SPOCK1: variants seen among roughly 807,000 people sequenced by gnomAD.
SPOCK1 encodes testican-1.
In SPOCK1, 23 loss-of-function variants were observed where a neutral mutation model predicts 55.3. The observed-to-expected ratio is 0.42, with a 90% CI of 0.30 to 0.59. SPOCK1 has a LOEUF of 0.59. SPOCK1 is among the 20% of genes least tolerant of loss of function. The pLI, the probability that SPOCK1 is intolerant of heterozygous loss-of-function variation, is 0.22. For synonymous variants in SPOCK1, 226 were observed against 221.0 expected (o/e 1.02, Z -0.20); for missense variants, 499 against 552.5 (o/e 0.90, Z 0.97).
intron 2 of SPOCK1, among the ~76,000 whole-genome samples, chr5:137,450,995 T>C (rs958563745): frequency 1.3e-5 from 2 of 152,142 alleles, no homozygotes; most frequent in African/African-American, 4.8e-5. Context: ...AGAGCAATCA[T>C]GGCATTCTCC....
intron 6 of SPOCK1, among the ~76,000 whole-genome samples, chr5:137,019,971 A>G (rs1751535253): frequency 6.6e-6 from 1 of 152,022 alleles, no homozygotes; most frequent in Non-Finnish European, 1.5e-5. Flanking sequence ...AGGAACACAG[A>G]GATACTGATT....
intron 3 of SPOCK1, among the ~76,000 whole-genome samples, chr5:137,225,284 C>G (rs1755924034): frequency 6.6e-6 from 1 of 152,018 alleles, no homozygotes; most frequent in Admixed American, 6.5e-5. Context: ...CTGCTCTGAG[C>G]CTCACTTTTA....
At chr5:137,280,167 T>C (rs570269750) in intron 2 of SPOCK1, among the ~76,000 whole-genome samples, 35 of 152,284 alleles carry the variant, frequency 2.3e-4, no homozygotes, top group African/African-American at 7.2e-4. Context: ...GTCCCATCTT[T>C]TAAAATAAAA....
intron 3 of SPOCK1, among the ~76,000 whole-genome samples, chr5:137,161,377 T>C (rs1754554855): frequency 6.6e-6 from 1 of 151,962 alleles, no homozygotes; most frequent in Non-Finnish European, 1.5e-5. Context: ...ACACAAACTA[T>C]ACTCAGGGCA....
chr5:137,217,677 T>A (rs572364656), intron 3 of SPOCK1, among the ~76,000 whole-genome samples: 8 of 152,238 alleles, frequency 5.3e-5, no homozygotes, highest in African/African-American at 1.9e-4. Context: ...GTACTTCTTA[T>A]ATTAGTAAGA....
intron 5 of SPOCK1, among the ~76,000 whole-genome samples, chr5:137,078,029 T>C (rs1221461348): frequency 1.3e-5 from 2 of 151,846 alleles, no homozygotes; most frequent in Non-Finnish European, 2.9e-5. Context: ...AAGAAAGCTG[T>C]AGAGGAGGCA....
At chr5:137,439,909 G>A (rs1752956087) in intron 2 of SPOCK1, among the ~76,000 whole-genome samples, 1 of 152,182 alleles carries the variant, frequency 6.6e-6, no homozygotes, top group Non-Finnish European at 1.5e-5. Flanking sequence ...GAAGCTCAGT[G>A]TCAACTAGCC....
At position 136,976,487 on chromosome 5, in the gene SPOCK1, C is replaced by T. The variant is rs1750617248; in HGVS notation, c.*2167G>A. The T allele has an allele frequency of 6.6e-6, 1 of 152,558 alleles. No individual in the cohort carries two copies. The highest frequency in any genetic ancestry group is 1.5e-5 in the Non-Finnish European group (1 of 68,016). The allele number at this position is 152,558 out of a possible 1,614,324, so 9.5% of individuals were successfully genotyped here. On this transcript the variant is annotated 3_prime_UTR_variant, in exon 11 of 11. Coordinates refer to ENST00000394945, the MANE Select transcript of SPOCK1 (RefSeq NM_004598.4). ...TCCTAGAAGTTTTTCTAAGTGAAAT[C>T]AATTTTTCAATTTTAATTTGTTCTC...
At chr5:137,331,782 AC>A (rs1208942999) in intron 2 of SPOCK1, among the ~76,000 whole-genome samples, 1 of 152,096 alleles carries the variant, frequency 6.6e-6, no homozygotes, top group Non-Finnish European at 1.5e-5. Context: ...ATCACCTCCC[AC>A]CAGGCCCCAT....
intron 5 of SPOCK1, among the ~76,000 whole-genome samples, chr5:137,069,673 G>A (rs1752573233): frequency 6.6e-6 from 1 of 152,202 alleles, no homozygotes; most frequent in Non-Finnish European, 1.5e-5. Flanking sequence ...GTGTGTGCAC[G>A]TGCCCAGAGC....
chr5:136,982,180 A>G (rs1008201213), intron 9 of SPOCK1, among the ~76,000 whole-genome samples: 1 of 152,210 alleles, frequency 6.6e-6, no homozygotes, highest in African/African-American at 2.4e-5. Flanking sequence ...CCTGTCATTA[A>G]GCAAGGCATG....
intron 2 of SPOCK1, among the ~76,000 whole-genome samples, chr5:137,322,076 C>T (rs1340760620): frequency 6.6e-6 from 1 of 152,000 alleles, no homozygotes; most frequent in Non-Finnish European, 1.5e-5. Context: ...AACATAAAAG[C>T]ATATATAAGT....
At chr5:137,162,061 TC>T (rs1467749016) in intron 3 of SPOCK1, among the ~76,000 whole-genome samples, 1 of 151,952 alleles carries the variant, frequency 6.6e-6, no homozygotes, top group Non-Finnish European at 1.5e-5. Flanking sequence ...TTTCTTTTCC[TC>T]CCTCCCTAGG....
At chr5:137,252,557 C>CTGCAT (rs1756555942) in intron 3 of SPOCK1, among the ~76,000 whole-genome samples, 1 of 152,232 alleles carries the variant, frequency 6.6e-6, no homozygotes, top group South Asian at 2.1e-4. Flanking sequence ...CTGAACATCC[C>CTGCAT]TGCAGACAGA....
intron 2 of SPOCK1, among the ~76,000 whole-genome samples, chr5:137,418,914 T>G (rs560292504): frequency 6.6e-6 from 1 of 152,350 alleles, no homozygotes; most frequent in East Asian, 1.9e-4. Flanking sequence ...GGTTTTCTTC[T>G]AGGGTTTTTA....
chr5:137,097,778 A>G (rs1233383674), intron 5 of SPOCK1, among the ~76,000 whole-genome samples: 1 of 152,158 alleles, frequency 6.6e-6, no homozygotes, highest in African/African-American at 2.4e-5. Context: ...CCCAAATACC[A>G]CTGCATCTGC....
At chr5:137,097,802 G>A (rs1753182300) in intron 5 of SPOCK1, among the ~76,000 whole-genome samples, 2 of 152,198 alleles carry the variant, frequency 1.3e-5, no homozygotes, top group South Asian at 4.1e-4. Flanking sequence ...ATTGGGTGCT[G>A]CCACGGGATT....
intron 6 of SPOCK1, among the ~76,000 whole-genome samples, chr5:137,033,461 G>A (rs1176865149): frequency 6.6e-6 from 1 of 152,158 alleles, no homozygotes; most frequent in Admixed American, 6.5e-5. Context: ...GAAATGCAGG[G>A]CTGTTTCCTC....
chr5:137,389,438 A>C (rs111473492), intron 2 of SPOCK1, among the ~76,000 whole-genome samples: 1,659 of 152,354 alleles, frequency 0.011, 31 homozygotes, highest in African/African-American at 0.038. Context: ...TCAAGATGTC[A>C]TTGCTGAAGT....
Sources: gnomAD v4.1 joint callset for allele counts (sites outside exome capture counted in the v4.1 genomes callset) on GRCh38, gnomAD v4.1.1 for gene constraint, MANE v1.5 for transcripts, NCBI Gene and HGNC (gene_info 2026-07-23, HGNC 2026-07-21) for gene names.